The following PTPRN2 variants were observed in gnomAD, a reference collection of about 807,000 sequenced individuals.
PTPRN2 encodes the protein protein tyrosine phosphatase receptor type N2, also known as receptor-type tyrosine-protein phosphatase N2.
In PTPRN2, 74 loss-of-function variants were observed where a neutral mutation model predicts 118.8. The ratio of observed to expected loss-of-function variants is 0.62; its 90% confidence interval spans 0.52 to 0.76. The LOEUF (loss-of-function observed/expected upper bound fraction) is 0.76. Ranked by LOEUF, PTPRN2 falls within the 30% of genes least tolerant of loss-of-function variation. The pLI, the probability that PTPRN2 is intolerant of heterozygous loss-of-function variation, is 0.00. For synonymous variants in PTPRN2, 641 were observed against 608.0 expected (o/e 1.05, Z -0.80); for missense variants, 1,481 against 1,394.4 (o/e 1.06, Z -0.99).
chr7:157,762,975 C>A (rs552993269), intron 12 of PTPRN2, among the ~76,000 whole-genome samples: 1 of 152,308 alleles, frequency 6.6e-6, no homozygotes, highest in South Asian at 2.1e-4. Context: ...CACAGCCGCC[C>A]ACTCACGGTC....
chr7:158,136,578 A>G lies in PTPRN2; in HGVS notation c.1173+77T>C, dbSNP rs1401539438. 7.0e-6 allele frequency: 10 copies of G among 1,427,846 alleles called. No homozygotes were observed. In the East Asian group the frequency reaches 1.8e-4, roughly 26 times the overall value. The allele number at this position is 1,427,846 out of a possible 1,614,324, so 88.4% of individuals were successfully genotyped here. ...GGAAAAAAACTTTTGTATTTCATAAATGTTCCCACACCATGAACAAAAAGA... is the reference window on the plus strand; with the variant it reads ...GGAAAAAAACTTTTGTATTTCATAAGTGTTCCCACACCATGAACAAAAAGA... On this transcript the variant is annotated intron_variant, in intron 8 of 22. Coordinates refer to ENST00000389418, the MANE Select transcript of PTPRN2 (RefSeq NM_002847.5).
chr7:158,153,239 C>T (rs1417332645), intron 6 of PTPRN2, among the ~76,000 whole-genome samples: 1 of 152,200 alleles, frequency 6.6e-6, no homozygotes, highest in African/African-American at 2.4e-5. Context: ...AGAGCTACTT[C>T]TACTCAAAAC....
At chr7:157,708,981 G>T (rs1220528111) in intron 12 of PTPRN2, among the ~76,000 whole-genome samples, 1 of 152,206 alleles carries the variant, frequency 6.6e-6, no homozygotes, top group African/African-American at 2.4e-5. Context: ...TGTCACCTGG[G>T]AACCGACACT....
intron 2 of PTPRN2, among the ~76,000 whole-genome samples, chr7:158,330,093 T>C (rs113130112): frequency 7.1e-6 from 1 of 140,910 alleles, no homozygotes; most frequent in Admixed American, 7.2e-5. Context: ...CCTGCAGACG[T>C]CACTCACACC....
At chr7:158,207,055 G>A (rs992130373) in intron 3 of PTPRN2, among the ~76,000 whole-genome samples, 9 of 146,260 alleles carry the variant, frequency 6.2e-5, no homozygotes, top group Non-Finnish European at 9.0e-5. Flanking sequence ...GAGAATATGC[G>A]GTGTTTGGTT....
At chr7:158,331,314 G>T (rs1441172707) in intron 2 of PTPRN2, among the ~76,000 whole-genome samples, 1 of 146,074 alleles carries the variant, frequency 6.8e-6, no homozygotes, top group African/African-American at 2.6e-5. Flanking sequence ...CTCACCATAA[G>T]AGCTGAGGCC....
At chr7:158,092,760 G>A (rs1223569297) in intron 10 of PTPRN2, among the ~76,000 whole-genome samples, 3 of 152,156 alleles carry the variant, frequency 2.0e-5, no homozygotes, top group Non-Finnish European at 4.4e-5. Context: ...ACCTGGAAGA[G>A]CTCACTACAC....
chr7:158,055,946 G>C (rs926501841), intron 11 of PTPRN2, among the ~76,000 whole-genome samples: 3 of 152,186 alleles, frequency 2.0e-5, no homozygotes, highest in African/African-American at 7.2e-5. Flanking sequence ...CTGACCCTGT[G>C]GGGCTGGACC....
intron 3 of PTPRN2, among the ~76,000 whole-genome samples, chr7:158,259,654 G>C (rs1797258313): frequency 6.6e-6 from 1 of 152,254 alleles, no homozygotes; most frequent in Non-Finnish European, 1.5e-5. Flanking sequence ...CTGTGTCCAT[G>C]TGTCCCTGTG....
At chr7:158,052,251 C>T (rs61063215) in intron 11 of PTPRN2, among the ~76,000 whole-genome samples, 3,954 of 152,286 alleles carry the variant, frequency 0.026, 103 homozygotes, top group African/African-American at 0.069. Flanking sequence ...CATAAGTGAT[C>T]GCCTTTGATG....
chr7:158,379,545 C>T (rs192621719), intron 2 of PTPRN2, among the ~76,000 whole-genome samples: 6 of 152,200 alleles, frequency 3.9e-5, no homozygotes, highest in South Asian at 2.1e-4. Context: ...AAAACAACTC[C>T]GAACTCAAAC....
At chr7:158,222,609 C>T (rs10215289) in intron 3 of PTPRN2, among the ~76,000 whole-genome samples, 47,445 of 152,072 alleles carry the variant, frequency 0.31, 9,717 homozygotes, top group African/African-American at 0.58. Flanking sequence ...GGTTGAAAAG[C>T]TATAAGGGAC....
chr7:157,817,348 A>C (rs993559061), intron 12 of PTPRN2, among the ~76,000 whole-genome samples: 6 of 152,140 alleles, frequency 3.9e-5, no homozygotes, highest in Non-Finnish European at 7.3e-5. Flanking sequence ...GGAAACCATG[A>C]CAAACCCCCC....
chr7:157,993,510 G>A (rs1460819742), intron 11 of PTPRN2, among the ~76,000 whole-genome samples: 3 of 152,096 alleles, frequency 2.0e-5, no homozygotes, highest in East Asian at 1.9e-4. Context: ...AGAGCAGTGG[G>A]AAGCTTCCAG....
At chr7:158,337,119 C>A (rs1169180699) in intron 2 of PTPRN2, among the ~76,000 whole-genome samples, 12 of 151,994 alleles carry the variant, frequency 7.9e-5, no homozygotes, top group Non-Finnish European at 1.5e-5. Flanking sequence ...AGAGCTGAGG[C>A]CCACAGAGGT....
At chr7:158,506,989 A>C (rs914062593) in intron 1 of PTPRN2, among the ~76,000 whole-genome samples, 4 of 152,180 alleles carry the variant, frequency 2.6e-5, no homozygotes, top group African/African-American at 9.6e-5. Context: ...AGGGATTCCA[A>C]CCTGACTAGA....
chr7:158,161,156 C>G (rs1822323486), intron 6 of PTPRN2, among the ~76,000 whole-genome samples: 1 of 152,150 alleles, frequency 6.6e-6, no homozygotes, highest in Non-Finnish European at 1.5e-5. Context: ...CCAACTTGAT[C>G]TATGGATTTA....
chr7:157,758,446 C>G (rs60519866), intron 12 of PTPRN2, among the ~76,000 whole-genome samples: 4 of 152,316 alleles, frequency 2.6e-5, no homozygotes, highest in Middle Eastern at 3.4e-3. Flanking sequence ...TCAGCTCAGC[C>G]GGGCTGGGAC....
At chr7:158,190,094 T>G (rs899622108) in intron 5 of PTPRN2, among the ~76,000 whole-genome samples, 1 of 152,242 alleles carries the variant, frequency 6.6e-6, no homozygotes, top group African/African-American at 2.4e-5. Context: ...TTTTAAAGAT[T>G]ATTTTATCAA....
Sources: allele counts gnomAD v4.1 joint callset (sites outside exome capture counted in the v4.1 genomes callset), GRCh38; gene constraint gnomAD v4.1.1; transcripts MANE v1.5; gene names NCBI Gene and HGNC (gene_info 2026-07-23, HGNC 2026-07-21).